The following CELF3 variants were observed in gnomAD, a reference collection of about 807,000 sequenced individuals.
CELF3 encodes CAG repeat domain.
A neutral mutation model predicts 59.6 loss-of-function variants in CELF3; 26 were observed. The ratio of observed to expected loss-of-function variants is 0.44; its 90% CI spans 0.32 to 0.61. The LOEUF (loss-of-function observed/expected upper bound fraction) is 0.61. Ranked by LOEUF, CELF3 falls within the 20% of genes least tolerant of loss-of-function variation. CELF3 has a pLI of 0.06. For synonymous variants in CELF3, 245 were observed against 250.7 expected (o/e 0.98, Z 0.22); for missense variants, 387 against 627.2 (o/e 0.62, Z 4.09).
In CELF3 at chr1:151,705,703, A is replaced by T; in HGVS notation, c.1270+119T>A. 1 of 1,141,306 alleles carries T rather than the reference A, an allele frequency of 8.8e-7. No individual in the cohort carries two copies. The allele number at this position is 1,141,306 out of a possible 1,614,324, so 70.7% of individuals were successfully genotyped here. ...GGGTGTGTCAAAATGGCTCTTTTGT[A>T]CTCTTGGATAATCAGTATTTCAAAT... On this transcript the variant is annotated intron_variant, in intron 11 of 12. Transcript: ENST00000290583. The surrounding 1 kb of genome is among the most constrained non-coding windows in gnomAD (Gnocchi z 5.1).
rs1672187206 is a variant in CELF3, at chr1:151,702,921, G to A, written c.*538C>T. 10 of 307,174 alleles carry A rather than the reference G, an allele frequency of 3.3e-5. No homozygotes were observed. The highest frequency in any genetic ancestry group is 2.9e-4 in the South Asian group (10 of 34,628). 19.0% of individuals were successfully genotyped at this position (307,174 alleles called of 1,614,324 possible). On this transcript the variant is annotated 3_prime_UTR_variant, in exon 13 of 13. Coordinates refer to ENST00000290583, the MANE Select transcript of CELF3 (RefSeq NM_007185.7). ...ACCCTCCTTAGAGGGGGCCCTTGGG[G>A]GAGGCAGTGAGTTTTAGGGCTGGGA...
Position 151,703,003 on chromosome 1 carries a change from G to A in CELF3, c.*456C>T, listed in dbSNP as rs1672194029. The stretch of plus-strand genomic sequence containing the variant: ...TGAGGGTGGAGGGGAGTGAGAGCCA[G>A]CTTCCAAGAAACCCCTAATGTGGGG... On this transcript the variant is annotated 3_prime_UTR_variant, in exon 13 of 13. Transcript: ENST00000290583. 1 of 354,084 alleles carries A rather than the reference G, an allele frequency of 2.8e-6. No homozygotes were observed. The allele number at this position is 354,084 out of a possible 1,614,324, so 21.9% of individuals were successfully genotyped here.
intron 8 of CELF3, among the ~76,000 whole-genome samples, 173 bp downstream of exon 8, chr1:151,706,972 C>T (rs1012081298): frequency 6.6e-6 from 1 of 152,232 alleles, no homozygotes; most frequent in Non-Finnish European, 1.5e-5. Flanking sequence ...CACTGCTCTA[C>T]ACCTCAGCTT....
intron 2 of CELF3, among the ~76,000 whole-genome samples, chr1:151,713,199 G>T (rs981730883): frequency 6.6e-6 from 1 of 152,170 alleles, no homozygotes; most frequent in African/African-American, 2.4e-5. Flanking sequence ...CTGGAGAAGG[G>T]CTAGACAATC....
In CELF3 at chr1:151,705,284, G is replaced by T; in HGVS notation, c.1271-116C>A. ...GTCCCAAATGCCTAGAAAGCTGCCT[G>T]CCACATAGCAGCATTCCTTAGGAAT... On this transcript the variant is annotated intron_variant, in intron 11 of 12. Coordinates refer to ENST00000290583, the MANE Select transcript of CELF3 (RefSeq NM_007185.7). This position sits in a 1 kb window ranked among gnomAD's most constrained non-coding sequence, Gnocchi z 5.1. The T allele has an allele frequency of 1.7e-6, 2 of 1,165,904 alleles. No homozygotes were observed. Among genetic ancestry groups the T allele is most frequent in the South Asian group, 1.6e-5 (1 of 62,810 alleles). The allele number at this position is 1,165,904 out of a possible 1,614,324, so 72.2% of individuals were successfully genotyped here. A position where few individuals can be genotyped will look rare whatever the true frequency, so the allele number is the denominator to read the frequency against.
In CELF3 at chr1:151,701,491, A is replaced by G. The variant is rs1672073942; in HGVS notation, c.*1968T>C. 6.6e-6 allele frequency among the ~76,000 whole-genome samples: 1 copy of G among 152,190 alleles called. No homozygotes were observed. On this transcript the variant is annotated 3_prime_UTR_variant, in exon 13 of 13. Coordinates refer to ENST00000290583, the MANE Select transcript of CELF3 (RefSeq NM_007185.7). ...CTTTGCCTCAGGTCAAAGAACAGGT[A>G]AGAAGAGAACATCATGGGCTTTGGA... is the stretch of plus-strand genomic sequence containing the variant.
Position 151,705,822 on chromosome 1 carries a change from CA to C in CELF3, c.1269del (p.Phe423LeufsTer4), listed in dbSNP as rs1672469740. 2 of 1,613,796 alleles carry C rather than the reference CA, an allele frequency of 1.2e-6. No individual in the cohort carries two copies. The highest frequency in any genetic ancestry group is 1.7e-6 in the Non-Finnish European group (2 of 1,179,960). ...VDRATNQSKCFGFVSFDNPAS... is the reference protein window; with the variant it reads ...VDRATNQSKCXGFVSFDNPAS... ...AAAATGTGCCATATCATATTCTTAC[CA>C]AAACATTTGCTTTGATTGGTGGCTC... On this transcript the variant is annotated frameshift_variant and splice_region_variant, in exon 11 of 13. Transcript: ENST00000290583. LOFTEE classifies it high-confidence loss of function. This position sits in a 1 kb window ranked among gnomAD's most constrained non-coding sequence, Gnocchi z 5.1.
At chr1:151,706,601 G>A in intron 9 of CELF3, 68 bp downstream of exon 9, 2 of 1,486,036 alleles carry the variant, frequency 1.3e-6, no homozygotes, top group Non-Finnish European at 1.8e-6. Flanking sequence ...CCCAGACCCA[G>A]TTACTGGGCC....
Position 151,706,742 on chromosome 1 carries a change from G to A in CELF3, c.923-8C>T, listed in dbSNP as rs1454097832. On this transcript the variant is annotated splice_region_variant and splice_polypyrimidine_tract_variant and intron_variant, in intron 8 of 12. Coordinates refer to ENST00000290583, the MANE Select transcript of CELF3 (RefSeq NM_007185.7). ...GGGCCGCGGGGCTCTGGGCTGGGGA[G>A]AGCAGCACAGACTATGAGCGTGGAC... The A allele has an allele frequency of 1.3e-6, 2 of 1,543,878 alleles. No individual in the cohort carries two copies. Among genetic ancestry groups the A allele is most frequent in the Admixed American group, 2.0e-5 (1 of 50,302 alleles).
Position 151,707,305 on chromosome 1 carries a change from G to A in CELF3, c.773-11C>T. The A allele has an allele frequency of 6.4e-7, 1 of 1,568,150 alleles. No individual in the cohort carries two copies. Among genetic ancestry groups the A allele is most frequent in the Non-Finnish European group, 8.6e-7 (1 of 1,158,826 alleles). On this transcript the variant is annotated splice_polypyrimidine_tract_variant and intron_variant, in intron 7 of 12. Coordinates refer to ENST00000290583, the MANE Select transcript of CELF3 (RefSeq NM_007185.7). ...GAGGGGTGCTGGTTCCTGGGGAGGA[G>A]AAAGCGACAGGGAGAGAGCAGAGGA...
At chr1:151,712,808 A>AT (rs200640615) in intron 2 of CELF3, among the ~76,000 whole-genome samples, 5 of 152,072 alleles carry the variant, frequency 3.3e-5, no homozygotes, top group South Asian at 2.1e-4. Flanking sequence ...TAAATGTCTG[A>AT]TTTTTTTAAA....
At chr1:151,704,206 A>G (rs559391053) in intron 12 of CELF3, among the ~76,000 whole-genome samples, 1 of 151,962 alleles carries the variant, frequency 6.6e-6, no homozygotes, top group East Asian at 1.9e-4. Flanking sequence ...GGGGGCCCCC[A>G]GGGTTGGGGG....
intron 2 of CELF3, chr1:151,713,696 A>T (rs979531954): frequency 4.6e-5 from 7 of 152,952 alleles, no homozygotes; most frequent in Non-Finnish European, 7.3e-5. Context: ...CAGCTCACAC[A>T]CGTGCATGGC....
chr1:151,705,674 T>G lies in CELF3; in HGVS notation c.1270+148A>C. On this transcript the variant is annotated intron_variant, in intron 11 of 12. Transcript: ENST00000290583. The surrounding 1 kb of genome is among the most constrained non-coding windows in gnomAD (Gnocchi z 5.1). ...GCCGAGGCAGCAGCTGGGTGTGGCA[T>G]GTTGGGTGTGTCAAAATGGCTCTTT... 1 of 828,922 alleles carries G rather than the reference T, an allele frequency of 1.2e-6. No homozygotes were observed. The highest frequency in any genetic ancestry group is 1.9e-6 in the Non-Finnish European group (1 of 532,316). 51.3% of individuals were successfully genotyped at this position (828,922 alleles called of 1,614,324 possible). A position where few individuals can be genotyped will look rare whatever the true frequency, so the allele number is the denominator to read the frequency against.
Position 151,709,824 on chromosome 1 carries a change from A to T in CELF3, c.229-33T>A. On this transcript the variant is annotated intron_variant, in intron 2 of 12. Coordinates refer to ENST00000290583, the MANE Select transcript of CELF3 (RefSeq NM_007185.7). This position sits in a 1 kb window ranked among gnomAD's most constrained non-coding sequence, Gnocchi z 4.9. ...AGAGAAGAGAAGGCAGCTGCTGGGG[A>T]CCTCCTCTGAACACCCAAGAGCCCT... The T allele has an allele frequency of 6.2e-7, 1 of 1,610,462 alleles. No individual in the cohort carries two copies. The highest frequency in any genetic ancestry group is 8.5e-7 in the Non-Finnish European group (1 of 1,177,026).
rs377723762 is a variant in CELF3, at chr1:151,700,111, G to A, written c.*3348C>T. On this transcript the variant is annotated 3_prime_UTR_variant, in exon 13 of 13. Coordinates refer to ENST00000290583, the MANE Select transcript of CELF3 (RefSeq NM_007185.7). ...AGGTATCTGCTGTTGGGGGTGGGGTGGGGAGATTGTTTGAGATACTGCAAC... is the reference window on the plus strand; with the variant it reads ...AGGTATCTGCTGTTGGGGGTGGGGTAGGGAGATTGTTTGAGATACTGCAAC... Among the ~76,000 whole-genome samples the A allele has an allele frequency of 1.2e-4, 19 of 152,268 alleles. No homozygotes were observed. The highest frequency in any genetic ancestry group is 4.6e-4 in the African/African-American group (19 of 41,536).
At chr1:151,712,089 G>C in intron 2 of CELF3, 1 of 152,268 alleles carries the variant, frequency 6.6e-6, no homozygotes, top group East Asian at 1.9e-4. Context: ...ACTTCCTGTG[G>C]GGAGCTCAGG....
At chr1:151,706,637 C>T (rs1672568244) in intron 9 of CELF3, 32 bp downstream of exon 9, 9 of 1,549,268 alleles carry the variant, frequency 5.8e-6, no homozygotes, top group East Asian at 2.4e-5. Flanking sequence ...ACCTCTCCCA[C>T]CTGAGCAGGG....
At chr1:151,706,460 C>A (rs1672550252) in intron 9 of CELF3, 99 bp from the exon 10 acceptor site, 2 of 1,323,630 alleles carry the variant, frequency 1.5e-6, no homozygotes, top group African/African-American at 2.9e-5. Context: ...GCCAGTGGCA[C>A]CTGCAGGGCT....
Sources: allele counts gnomAD v4.1 joint callset (sites outside exome capture counted in the v4.1 genomes callset), GRCh38; gene constraint gnomAD v4.1.1; non-coding constraint Gnocchi (gnomAD v3.1); transcripts MANE v1.5; gene names NCBI Gene and HGNC (gene_info 2026-07-23, HGNC 2026-07-21).